Variants in RAB1A observed in about 807,000 individuals in gnomAD.
RAB1A encodes RAB1A, member RAS oncogene family.
RAB1A carries 2 observed loss-of-function variants against 26.0 expected under a neutral mutation model. That is an observed-to-expected ratio of 0.08 (90% CI 0.03 to 0.24). The LOEUF is 0.24. Ranked by LOEUF, RAB1A falls within the 10% of genes least tolerant of loss-of-function variation. The pLI, the probability that RAB1A is intolerant of heterozygous loss-of-function variation, is 1.00. For missense variants in RAB1A, 100 were observed against 247.0 expected (o/e 0.40, Z 3.99); for synonymous variants, 84 against 84.9 (o/e 0.99, Z 0.06).
At chr2:65,100,632 C>T (rs181736908) in intron 2 of RAB1A, among the ~76,000 whole-genome samples, 7 of 151,286 alleles carry the variant, frequency 4.6e-5, no homozygotes, top group East Asian at 2.0e-4. Context: ...TGATGGCACA[C>T]GCCTGTAAAC....
intron 3 of RAB1A, among the ~76,000 whole-genome samples, chr2:65,093,350 T>G (rs1669213632): frequency 6.6e-6 from 1 of 152,176 alleles, no homozygotes; most frequent in Non-Finnish European, 1.5e-5. Context: ...GTAGACATTT[T>G]CATAAAGCCT....
intron 1 of RAB1A, chr2:65,105,251 T>A (rs1669525817): frequency 4.5e-6 from 1 of 219,980 alleles, no homozygotes. Flanking sequence ...ACACCTGTAA[T>A]CCCAACACTT....
chr2:65,122,399 A>AT (rs1669986636), intron 1 of RAB1A, among the ~76,000 whole-genome samples: 1 of 150,908 alleles, frequency 6.6e-6, no homozygotes, highest in Non-Finnish European at 1.5e-5. Flanking sequence ...ATACAAAAAA[A>AT]AAAAAAAAAT....
At chr2:65,100,632 C>G (rs181736908) in intron 2 of RAB1A, among the ~76,000 whole-genome samples, 6 of 151,168 alleles carry the variant, frequency 4.0e-5, no homozygotes, top group Non-Finnish European at 8.8e-5. Context: ...TGATGGCACA[C>G]GCCTGTAAAC....
chr2:65,116,593 T>C (rs922230143), intron 1 of RAB1A, among the ~76,000 whole-genome samples: 7 of 152,238 alleles, frequency 4.6e-5, no homozygotes, highest in Non-Finnish European at 8.8e-5. Flanking sequence ...TAAGTGGCCA[T>C]TGTTATTTCT....
intron 3 of RAB1A, among the ~76,000 whole-genome samples, chr2:65,096,026 G>A (rs556932580): frequency 3.9e-5 from 6 of 152,236 alleles, no homozygotes; most frequent in South Asian, 2.1e-4. Flanking sequence ...GGTGGCGCAC[G>A]CCTGTAATCC....
At chr2:65,090,913 T>G in intron 4 of RAB1A, 70 bp downstream of exon 4, 1 of 1,041,328 alleles carries the variant, frequency 9.6e-7, no homozygotes, top group East Asian at 2.6e-5. Flanking sequence ...AAGTAGTAAA[T>G]GAATCTGACA....
At chr2:65,098,606 C>T (rs1669344766) in intron 2 of RAB1A, among the ~76,000 whole-genome samples, 1 of 151,964 alleles carries the variant, frequency 6.6e-6, no homozygotes, top group South Asian at 2.1e-4. Context: ...GGTCCTTATA[C>T]ATTCACAAGG....
intron 3 of RAB1A, among the ~76,000 whole-genome samples, chr2:65,093,799 A>T (rs534724520): frequency 6.6e-6 from 1 of 151,304 alleles, no homozygotes; most frequent in South Asian, 2.1e-4. Flanking sequence ...ATTTTTTTGT[A>T]TTTTTAGTAG....
intron 1 of RAB1A, among the ~76,000 whole-genome samples, chr2:65,106,892 CAG>C (rs778553024): frequency 1.3e-5 from 2 of 151,634 alleles, no homozygotes; most frequent in South Asian, 2.1e-4. Flanking sequence ...TTTTTTGAGA[CAG>C]AGTCTTGCTC....
chr2:65,120,159 T>C (rs1669927387), intron 1 of RAB1A, among the ~76,000 whole-genome samples: 1 of 152,010 alleles, frequency 6.6e-6, no homozygotes, highest in Admixed American at 6.6e-5. Flanking sequence ...AAACTCCACA[T>C]TTTAAAACTC....
At chr2:65,092,914 A>G (rs1027022053) in intron 3 of RAB1A, among the ~76,000 whole-genome samples, 4 of 152,210 alleles carry the variant, frequency 2.6e-5, no homozygotes, top group Middle Eastern at 3.2e-3. Context: ...TGATGGTCTC[A>G]TAAGGGGCTC....
At chr2:65,125,770 C>A (rs945309260) in intron 1 of RAB1A, among the ~76,000 whole-genome samples, 1 of 147,942 alleles carries the variant, frequency 6.8e-6, no homozygotes, top group East Asian at 2.0e-4. Context: ...AAACGTAGCT[C>A]AAAAAAAATC....
At chr2:65,116,191 A>T (rs1669821926) in intron 1 of RAB1A, among the ~76,000 whole-genome samples, 1 of 152,148 alleles carries the variant, frequency 6.6e-6, no homozygotes, top group Non-Finnish European at 1.5e-5. Flanking sequence ...ATAAAAATAA[A>T]AATTCAAAGC....
At chr2:65,102,993 A>ATT (rs1669466588) in intron 2 of RAB1A, among the ~76,000 whole-genome samples, 2 of 151,940 alleles carry the variant, frequency 1.3e-5, no homozygotes, top group Non-Finnish European at 2.9e-5. Flanking sequence ...ACAACTCAAA[A>ATT]AACTACAAAT....
chr2:65,101,337 C>G (rs770093290), intron 2 of RAB1A, among the ~76,000 whole-genome samples: 44 of 152,128 alleles, frequency 2.9e-4, no homozygotes, highest in Non-Finnish European at 2.5e-4. Context: ...TCAGGCAATA[C>G]TGAGTGTCCA....
rs1466890055 is a variant in RAB1A, at chr2:65,087,930, CAT to C, written c.*561_*562del. 6.5e-6 allele frequency: 1 copy of C among 152,744 alleles called. No individual in the cohort carries two copies. The highest frequency in any genetic ancestry group is 2.4e-5 in the African/African-American group (1 of 41,460). 9.5% of individuals were successfully genotyped at this position (152,744 alleles called of 1,614,324 possible). On this transcript the variant is annotated 3_prime_UTR_variant, in exon 6 of 6. Transcript: ENST00000409784. The stretch of plus-strand genomic sequence containing the variant: ...AAACATATCTTCAGTTGTTTTGTTA[CAT>C]AGTGTGCAACAAATTACAATATTCT...
intron 1 of RAB1A, chr2:65,106,424 AAAG>A (rs775438481): frequency 4.0e-5 from 14 of 348,996 alleles, no homozygotes; most frequent in African/African-American, 2.9e-4. Flanking sequence ...TTGCACTGCC[AAAG>A]AAGAGAGGAT....
intron 1 of RAB1A, among the ~76,000 whole-genome samples, chr2:65,128,379 T>A (rs1210402789): frequency 6.6e-6 from 1 of 152,204 alleles, no homozygotes; most frequent in Non-Finnish European, 1.5e-5. Flanking sequence ...TTCTTTATTG[T>A]TACCAAGAAA....
Sources: allele counts gnomAD v4.1 joint callset (sites outside exome capture counted in the v4.1 genomes callset), GRCh38; gene constraint gnomAD v4.1.1; transcripts MANE v1.5; gene names NCBI Gene and HGNC (gene_info 2026-07-23, HGNC 2026-07-21).